Variants in ANO2 observed in about 807,000 individuals in gnomAD.
ANO2 encodes anoctamin 2.
Under a neutral mutation model 124.2 loss-of-function variants are expected in ANO2, and 101 were observed. That is an observed-to-expected ratio of 0.81 (90% CI 0.69 to 0.96). ANO2 has a LOEUF of 0.96. Ranked by LOEUF, ANO2 falls within the 40% of genes least tolerant of loss-of-function variation. The probability of loss-of-function intolerance (pLI) is 0.00; values close to 1 mark genes in which losing one functional copy is unlikely to be tolerated. For missense variants in ANO2, 1,293 were observed against 1,274.5 expected (o/e 1.01, Z -0.22); for synonymous variants, 486 against 482.5 (o/e 1.01, Z -0.09).
intron 16 of ANO2, among the ~76,000 whole-genome samples, chr12:5,633,750 A>G (rs981011377): frequency 6.6e-6 from 1 of 151,972 alleles, no homozygotes; most frequent in African/African-American, 2.4e-5. Context: ...CTCCTGTTCC[A>G]CTGGTGTTTA....
intron 14 of ANO2, among the ~76,000 whole-genome samples, chr12:5,685,345 A>G (rs1948659894): frequency 6.6e-6 from 1 of 152,146 alleles, no homozygotes; most frequent in Admixed American, 6.5e-5. Flanking sequence ...AGGGGTCTCC[A>G]CGAGTCTCCA....
At chr12:5,614,291 T>A (rs996059532) in intron 17 of ANO2, among the ~76,000 whole-genome samples, 1 of 152,222 alleles carries the variant, frequency 6.6e-6, no homozygotes, top group Non-Finnish European at 1.5e-5. Context: ...TTGTTATTCC[T>A]GGCAGACCCC....
At chr12:5,718,704 G>A (rs762462604) in intron 14 of ANO2, among the ~76,000 whole-genome samples, 9 of 152,200 alleles carry the variant, frequency 5.9e-5, no homozygotes, top group African/African-American at 1.2e-4. Context: ...ACTGGCTTCC[G>A]GCTAGATTCA....
intron 14 of ANO2, among the ~76,000 whole-genome samples, chr12:5,692,997 GT>G (rs930799192): frequency 6.6e-6 from 1 of 152,074 alleles, no homozygotes; most frequent in Non-Finnish European, 1.5e-5. Flanking sequence ...CTTTTTGTTG[GT>G]TTTCTTCTTA....
intron 4 of ANO2, among the ~76,000 whole-genome samples, chr12:5,848,664 C>T (rs761408353): frequency 1.2e-4 from 18 of 152,194 alleles, no homozygotes; most frequent in South Asian, 2.1e-4. Context: ...TGTTTACAGA[C>T]GCCCCAAGGA....
chr12:5,681,394 A>C (rs984209681), intron 14 of ANO2, among the ~76,000 whole-genome samples: 5 of 152,192 alleles, frequency 3.3e-5, no homozygotes, highest in African/African-American at 1.2e-4. Flanking sequence ...CACTGGACAG[A>C]AGATTTGGGG....
At chr12:5,828,702 G>A (rs1954063705) in intron 6 of ANO2, among the ~76,000 whole-genome samples, 1 of 152,188 alleles carries the variant, frequency 6.6e-6, no homozygotes, top group Admixed American at 6.5e-5. Flanking sequence ...TTTCTTACAT[G>A]GGAGGAAAGG....
rs1235623303 is a variant in ANO2 at position 5,769,386 on chromosome 12, G to C, written c.1056-18416C>G. Among the ~76,000 whole-genome samples the C allele has an allele frequency of 6.6e-6, 1 of 152,146 alleles. No individual in the cohort carries two copies. The highest frequency in any genetic ancestry group is 1.9e-4 in the East Asian group (1 of 5,176). On this transcript the variant is annotated intron_variant, in intron 10 of 24. Coordinates refer to ENST00000682330, the MANE Select transcript of ANO2 (RefSeq NM_001364791.2). The surrounding 1 kb of genome is among the most constrained non-coding windows in gnomAD (Gnocchi z 4.0). ...AAACAGGCCCAAAGACCAAGAAAGAGAGCCAGGGGCCAGACGAGCAAACAC... is the reference window on the plus strand; with the variant it reads ...AAACAGGCCCAAAGACCAAGAAAGACAGCCAGGGGCCAGACGAGCAAACAC...
intron 3 of ANO2, among the ~76,000 whole-genome samples, chr12:5,915,354 G>A (rs1424876120): frequency 3.3e-5 from 5 of 152,156 alleles, no homozygotes; most frequent in African/African-American, 1.2e-4. Context: ...ATGGAAATAT[G>A]CACAAAAAAT....
intron 4 of ANO2, among the ~76,000 whole-genome samples, chr12:5,840,743 T>C (rs1399589360): frequency 1.3e-5 from 2 of 152,208 alleles, no homozygotes; most frequent in Non-Finnish European, 2.9e-5. Context: ...GAACGTGTGC[T>C]GCAGCTGGGA....
At position 5,658,554 on chromosome 12, in the gene ANO2, C is replaced by T. The variant is rs1283665089; in HGVS notation, c.1546-10753G>A. 6.6e-6 allele frequency among the ~76,000 whole-genome samples: 1 copy of T among 152,050 alleles called. No individual in the cohort carries two copies. The highest frequency in any genetic ancestry group is 2.4e-5 in the African/African-American group (1 of 41,390). On this transcript the variant is annotated intron_variant, in intron 14 of 24. Transcript: ENST00000682330. This position sits in a 1 kb window ranked among gnomAD's most constrained non-coding sequence, Gnocchi z 4.3. ...ATCATCGTATCAAAATCAATATAAT[C>T]ACCAACATCAATATTATCATTGTCA...
chr12:5,633,043 A>G (rs1945807941), intron 16 of ANO2, among the ~76,000 whole-genome samples: 1 of 152,186 alleles, frequency 6.6e-6, no homozygotes, highest in African/African-American at 2.4e-5. Context: ...GGTAGGGGAC[A>G]TTTATTTCTA....
chr12:5,564,237 C>T (rs1325042110), intron 24 of ANO2, among the ~76,000 whole-genome samples: 1 of 152,238 alleles, frequency 6.6e-6, no homozygotes, highest in Non-Finnish European at 1.5e-5. Context: ...GGCTTTGGCA[C>T]ACACTTGCAG....
At chr12:5,906,308 C>T (rs1428672989) in intron 3 of ANO2, among the ~76,000 whole-genome samples, 1 of 146,742 alleles carries the variant, frequency 6.8e-6, no homozygotes, top group Non-Finnish European at 1.5e-5. Flanking sequence ...CAACAAACAG[C>T]ACTAAAGGCT....
intron 7 of ANO2, among the ~76,000 whole-genome samples, chr12:5,827,386 G>C (rs1036622810): frequency 1.3e-5 from 2 of 152,208 alleles, no homozygotes; most frequent in African/African-American, 4.8e-5. Flanking sequence ...CATAATATGA[G>C]AAGGCTGGAC....
intron 10 of ANO2, among the ~76,000 whole-genome samples, chr12:5,796,272 C>A (rs559323909): frequency 1.3e-5 from 2 of 151,748 alleles, no homozygotes; most frequent in Admixed American, 6.6e-5. Context: ...CACCGACACA[C>A]GCATGCACAC....
At chr12:5,632,119 C>G (rs907660427) in intron 16 of ANO2, among the ~76,000 whole-genome samples, 3 of 152,118 alleles carry the variant, frequency 2.0e-5, no homozygotes, top group African/African-American at 7.2e-5. Context: ...GCTCAGGGAG[C>G]AGAAGGAGCC....
intron 3 of ANO2, among the ~76,000 whole-genome samples, chr12:5,906,561 C>T (rs2136287824): frequency 6.6e-6 from 1 of 152,072 alleles, no homozygotes; most frequent in South Asian, 2.1e-4. Flanking sequence ...CTTTGGGAGG[C>T]CAAGGCGGGC....
At chr12:5,817,582 G>A (rs1289390115) in intron 7 of ANO2, among the ~76,000 whole-genome samples, 2 of 152,200 alleles carry the variant, frequency 1.3e-5, no homozygotes, top group Admixed American at 1.3e-4. Context: ...GATGTTTGAT[G>A]TGGGGATAGG....
Sources: gnomAD v4.1 joint callset for allele counts (sites outside exome capture counted in the v4.1 genomes callset) on GRCh38, gnomAD v4.1.1 for gene constraint, Gnocchi (gnomAD v3.1) non-coding constraint, MANE v1.5 for transcripts, NCBI Gene and HGNC (gene_info 2026-07-23, HGNC 2026-07-21) for gene names.